CDKAL1: variants seen among roughly 807,000 people sequenced by gnomAD.
The protein encoded by CDKAL1 is threonylcarbamoyladenosine tRNA methylthiotransferase.
A neutral mutation model predicts 68.2 loss-of-function variants in CDKAL1; 32 were observed. That is an observed-to-expected ratio of 0.47 (90% CI 0.35 to 0.63). The LOEUF (loss-of-function observed/expected upper bound fraction) is 0.63, where lower values mean the gene tolerates loss of function less well. Ranked by LOEUF, CDKAL1 falls within the 30% of genes least tolerant of loss-of-function variation. CDKAL1 has a pLI of 0.00. For synonymous variants in CDKAL1, 234 were observed against 244.3 expected (o/e 0.96, Z 0.39); for missense variants, 606 against 696.7 (o/e 0.87, Z 1.47).
chr6:21,094,109 G>T (rs1264512722), intron 12 of CDKAL1, among the ~76,000 whole-genome samples: 1 of 152,064 alleles, frequency 6.6e-6, no homozygotes, highest in Non-Finnish European at 1.5e-5. Flanking sequence ...GGTATTACTT[G>T]GGTAAAATCT....
chr6:20,534,869 G>A (rs548741094), intron 1 of CDKAL1, among the ~76,000 whole-genome samples: 1 of 152,302 alleles, frequency 6.6e-6, no homozygotes, highest in East Asian at 1.9e-4. Context: ...TAGTGAATTT[G>A]TAGATGTGAC....
chr6:20,701,636 A>G (rs1771365298), intron 5 of CDKAL1, among the ~76,000 whole-genome samples: 2 of 151,992 alleles, frequency 1.3e-5, no homozygotes, highest in African/African-American at 2.4e-5. Context: ...CACTCTGTCT[A>G]AGGTTTTTCC....
intron 15 of CDKAL1, among the ~76,000 whole-genome samples, chr6:21,217,642 C>T (rs572553457): frequency 6.6e-6 from 1 of 152,088 alleles, no homozygotes; most frequent in South Asian, 2.1e-4. Context: ...GGATTACAGG[C>T]GTGCACTAGC....
intron 11 of CDKAL1, among the ~76,000 whole-genome samples, chr6:21,035,619 A>G (rs1178525238): frequency 6.6e-6 from 1 of 152,198 alleles, no homozygotes; most frequent in East Asian, 1.9e-4. Flanking sequence ...AATTTTAAAA[A>G]TATAGATCTG....
chr6:20,687,755 G>A (rs1472524989), intron 5 of CDKAL1, among the ~76,000 whole-genome samples: 1 of 151,966 alleles, frequency 6.6e-6, no homozygotes, highest in African/African-American at 2.4e-5. Context: ...TGAGCTCCTG[G>A]GCTCAAGTGA....
chr6:20,579,132 C>A (rs1765035171), intron 4 of CDKAL1, among the ~76,000 whole-genome samples: 1 of 152,118 alleles, frequency 6.6e-6, no homozygotes, highest in Admixed American at 6.5e-5. Flanking sequence ...CCTGCACCAC[C>A]ATGCTTGGCT....
chr6:20,643,438 A>G (rs1768283781), intron 4 of CDKAL1, among the ~76,000 whole-genome samples: 1 of 152,226 alleles, frequency 6.6e-6, no homozygotes. Context: ...ATTGGGATGT[A>G]TCTTAAAATT....
rs137963700 is a variant in CDKAL1, at chr6:21,118,067, C to T, written c.1299+9604C>T. ...AAAGAAAATTAAATTTAAAAGTGTC[C>T]ATATTATATTTTCCAGGAAGAAGAA... On this transcript the variant is annotated intron_variant, in intron 13 of 15. Transcript: ENST00000274695. Among the ~76,000 whole-genome samples the T allele has an allele frequency of 1.0e-3, 154 of 152,178 alleles. 2 individuals are homozygous for T. The highest frequency in any genetic ancestry group is 3.5e-3 in the African/African-American group (144 of 41,526).
chr6:20,597,654 A>G (rs1364441614), intron 4 of CDKAL1, among the ~76,000 whole-genome samples: 1 of 152,080 alleles, frequency 6.6e-6, no homozygotes, highest in Admixed American at 6.5e-5. Context: ...GCCTCAAGCA[A>G]TCCACCTGCC....
At chr6:21,159,119 A>ATTTTG (rs1776782925) in intron 13 of CDKAL1, among the ~76,000 whole-genome samples, 3 of 115,922 alleles carry the variant, frequency 2.6e-5, no homozygotes, top group African/African-American at 9.5e-5. Context: ...TTTTTTTTTA[A>ATTTTG]TTTTTTTAAT....
In CDKAL1 at chr6:20,780,149, GA is replaced by G. The variant is rs147653495; in HGVS notation, c.518-990del. Among the ~76,000 whole-genome samples the G allele has an allele frequency of 9.1e-3, 1,233 of 135,046 alleles. 12 individuals are homozygous for G. Among genetic ancestry groups the G allele is most frequent in the African/African-American group, 0.031 (1,133 of 36,618 alleles). The allele number at this position is 135,046 out of a possible 152,430, so 88.6% of individuals were successfully genotyped here. A position where few individuals can be genotyped will look rare whatever the true frequency, so the allele number is the denominator to read the frequency against. On this transcript the variant is annotated intron_variant, in intron 7 of 15. Coordinates refer to ENST00000274695, the MANE Select transcript of CDKAL1 (RefSeq NM_017774.3). ...AAAATGCAATATGTCCATATAGAAA[GA>G]AAAAATGACAAAGTAAATATGGTAA...
At chr6:21,189,400 C>G (rs928685180) in intron 13 of CDKAL1, among the ~76,000 whole-genome samples, 1 of 152,200 alleles carries the variant, frequency 6.6e-6, no homozygotes, top group Admixed American at 6.5e-5. Context: ...TACTCCACTT[C>G]AAAGGAACAT....
chr6:20,849,888 T>C (rs1311089521), intron 9 of CDKAL1, among the ~76,000 whole-genome samples: 1 of 152,188 alleles, frequency 6.6e-6, no homozygotes, highest in African/African-American at 2.4e-5. Flanking sequence ...TAAGCTAATA[T>C]TTTTAAGACA....
At chr6:20,659,259 A>C (rs1206427088) in intron 5 of CDKAL1, among the ~76,000 whole-genome samples, 1 of 152,232 alleles carries the variant, frequency 6.6e-6, no homozygotes, top group African/African-American at 2.4e-5. Flanking sequence ...ACTTTAAATA[A>C]TACTATAGTT....
chr6:21,009,219 C>T (rs1231935353), intron 11 of CDKAL1, among the ~76,000 whole-genome samples: 1 of 152,180 alleles, frequency 6.6e-6, no homozygotes, highest in Non-Finnish European at 1.5e-5. Flanking sequence ...CAAGCTCTAG[C>T]TTGTGGATCT....
intron 7 of CDKAL1, among the ~76,000 whole-genome samples, chr6:20,767,535 C>T (rs1328986916): frequency 6.6e-6 from 1 of 151,796 alleles, no homozygotes; most frequent in Non-Finnish European, 1.5e-5. Flanking sequence ...AAAACTGGCA[C>T]CACAAAGTAA....
At chr6:20,558,453 G>A in intron 4 of CDKAL1, 1 of 446,406 alleles carries the variant, frequency 2.2e-6, no homozygotes, top group African/African-American at 2.0e-5. Context: ...TGGGCACATG[G>A]CAGTGCGGTC....
At chr6:20,593,082 T>G (rs1765663891) in intron 4 of CDKAL1, among the ~76,000 whole-genome samples, 1 of 152,212 alleles carries the variant, frequency 6.6e-6, no homozygotes, top group Non-Finnish European at 1.5e-5. Context: ...AGTATTTTAT[T>G]GAGGATTTTT....
intron 5 of CDKAL1, among the ~76,000 whole-genome samples, chr6:20,652,181 A>G (rs950768393): frequency 6.6e-6 from 1 of 152,098 alleles, no homozygotes; most frequent in Non-Finnish European, 1.5e-5. Context: ...TTTAATGGGA[A>G]CTTTTCTAAT....
Sources: allele counts gnomAD v4.1 joint callset (sites outside exome capture counted in the v4.1 genomes callset), GRCh38; gene constraint gnomAD v4.1.1; transcripts MANE v1.5; gene names NCBI Gene and HGNC (gene_info 2026-07-23, HGNC 2026-07-21).